Variants in MAP7D3 observed in about 807,000 individuals in gnomAD.
The protein encoded by MAP7D3 is MAP7 domain containing 3.
A neutral mutation model predicts 62.2 loss-of-function variants in MAP7D3; 45 were observed. That is an observed-to-expected ratio of 0.72 (90% confidence interval 0.57 to 0.93). The LOEUF (loss-of-function observed/expected upper bound fraction) is 0.93, where lower values mean the gene tolerates loss of function less well. Ranked by LOEUF, MAP7D3 falls within the 40% of genes least tolerant of loss-of-function variation. The probability of loss-of-function intolerance (pLI) is 0.00; values close to 1 mark genes in which losing one functional copy is unlikely to be tolerated. For synonymous variants in MAP7D3, 288 were observed against 248.8 expected (o/e 1.16, Z -1.48); for missense variants, 711 against 683.1 (o/e 1.04, Z -0.45).
chrX:136,225,237 C>T (rs2074181611), intron 13 of MAP7D3, among the ~76,000 whole-genome samples: 2 of 112,560 alleles, frequency 1.8e-5, no homozygotes, highest in East Asian at 2.8e-4. Flanking sequence ...CAGCTGATTC[C>T]TGAAGCCAAT....
chrX:136,227,434 G>A lies in MAP7D3; in HGVS notation c.1887-3C>T, dbSNP rs756819113. 5.9e-6 allele frequency: 7 copies of A among 1,176,973 alleles called. No individual in the cohort carries two copies. The highest frequency in any genetic ancestry group is 8.0e-6 in the Non-Finnish European group (7 of 869,737). ...TGTCTTTTGATTTCTTAATGACCCT[G>A]AGAGTATTTAAATAATTGTTAGTAT... On this transcript the variant is annotated splice_region_variant and splice_polypyrimidine_tract_variant and intron_variant, in intron 11 of 18. Coordinates refer to ENST00000316077, the MANE Select transcript of MAP7D3 (RefSeq NM_024597.4).
upstream of MAP7D3, among the ~76,000 whole-genome samples, chrX:136,255,871 A>G (rs2074548943): frequency 8.9e-6 from 1 of 111,751 alleles, no homozygotes; most frequent in African/African-American, 3.3e-5. Context: ...TGGGAAAAAC[A>G]TTCAGAAACC....
chrX:136,222,677 C>T (rs757882753), intron 14 of MAP7D3, among the ~76,000 whole-genome samples, 191 bp from the exon 15 acceptor site: 10 of 111,321 alleles, frequency 9.0e-5, no homozygotes, highest in African/African-American at 3.3e-4. Flanking sequence ...CCCGTAGCTG[C>T]GTCTTTTAGC....
rs759566682 is a variant in MAP7D3 at position 136,226,903 on chromosome X, C to T, written c.2034+381G>A. Among the ~76,000 whole-genome samples, 12 of 110,547 alleles carry T rather than the reference C, an allele frequency of 1.1e-4. No homozygotes were observed. In the East Asian group the frequency reaches 2.9e-3, roughly 26 times the overall value. On this transcript the variant is annotated intron_variant, in intron 12 of 18. Transcript: ENST00000316077. Reference sequence around the variant, plus strand: ...TAGCACTTTGGGAAGCTGAGGCGGGCGGATCACCTGAGGTCAGGAGTTCAA... The same window carrying T: ...TAGCACTTTGGGAAGCTGAGGCGGGTGGATCACCTGAGGTCAGGAGTTCAA...
intron 6 of MAP7D3, among the ~76,000 whole-genome samples, chrX:136,238,607 C>G (rs2074355990): frequency 9.0e-6 from 1 of 111,315 alleles, no homozygotes; most frequent in Non-Finnish European, 1.9e-5. Flanking sequence ...TATAAAAGTG[C>G]TTTGGGAAAG....
In MAP7D3 at chrX:136,251,334, C is replaced by T. The variant is rs1167109526; in HGVS notation, c.25G>A (p.Gly9Ser). The part of the protein sequence containing the change: MMADGAAA[G>S]AGGSPSLREL... Reference sequence around the variant, plus strand: ...CTCAAGGATGGGCTGCCGCCAGCGCCAGCTGCGGCGCCGTCCGCCATCATC... The same window carrying T: ...CTCAAGGATGGGCTGCCGCCAGCGCTAGCTGCGGCGCCGTCCGCCATCATC... The change falls in exon 1 of 19, where the codon GGC becomes AGC. Residue 9 changes from glycine (G) to serine (S), a missense_variant. Transcript: ENST00000316077. 5 of 1,128,547 alleles carry T rather than the reference C, an allele frequency of 4.4e-6. No individual in the cohort carries two copies. The South Asian group carries it at 7.9e-5, about 18-fold the overall frequency. 93.0% of individuals were successfully genotyped at this position (1,128,547 alleles called of 1,213,427 possible).
Position 136,222,442 on chromosome X carries a change from A to G in MAP7D3, c.2238T>C (p.Ala746=). The G allele has an allele frequency of 8.3e-7, 1 of 1,209,696 alleles. No homozygotes were observed. The highest frequency in any genetic ancestry group is 1.7e-5 in the African/African-American group (1 of 57,759). The change falls in exon 15 of 19, where the codon GCT becomes GCC. Residue 746 remains alanine (A), a synonymous_variant. Transcript: ENST00000316077. ...SSHDIYEEAE[A]DNEESDKDSL... ...AGTCCTTGTCGCTTTCTTCGTTGTCAGCCTCAGCCTCTTCATATATGTCAT... is the reference window on the plus strand; with the variant it reads ...AGTCCTTGTCGCTTTCTTCGTTGTCGGCCTCAGCCTCTTCATATATGTCAT...
downstream of MAP7D3, among the ~76,000 whole-genome samples, chrX:136,216,443 G>GA (rs1166756693): frequency 1.4e-3 from 128 of 90,979 alleles, 1 homozygote; most frequent in South Asian, 0.015. Context: ...AAGACGAAGA[G>GA]AAAAAAAAAA....
chrX:136,221,061 C>A, intron 15 of MAP7D3, 98 bp from the exon 16 acceptor site: 1 of 631,569 alleles, frequency 1.6e-6, no homozygotes, highest in Non-Finnish European at 2.5e-6. Context: ...GTGGGTACTG[C>A]CTGCCTGAAG....
chrX:136,231,564 T>C lies in MAP7D3; in HGVS notation c.1393A>G (p.Lys465Glu). The C allele has an allele frequency of 1.7e-6, 2 of 1,205,600 alleles. No individual in the cohort carries two copies. Among genetic ancestry groups the C allele is most frequent in the Non-Finnish European group, 2.2e-6 (2 of 893,283 alleles). The change falls in exon 8 of 19, where the codon AAA (lysine) becomes GAA (glutamate). Residue 465 changes from lysine to glutamate, a missense_variant. Coordinates refer to ENST00000316077, the MANE Select transcript of MAP7D3 (RefSeq NM_024597.4). ...EASMEASPKA[K>E]ARDAPKKSEM... ...CAAACCTTTGGAGCGTCTCTCGCTT[T>C]TGCCTTGGGAGATGCTTCCATGCTT...
chrX:136,251,449 TGGGCGGGGCG>T (rs3830873), upstream of MAP7D3: 2,264 of 446,288 alleles, frequency 5.1e-3, 15 homozygotes, highest in East Asian at 0.037. Flanking sequence ...GGGCTGCCGG[TGGGCGGGGCG>T]GGGCGGGGCG....
In MAP7D3 at chrX:136,228,644, T is replaced by C. The variant is rs2074226626; in HGVS notation, c.1865A>G (p.Gln622Arg). The C allele has an allele frequency of 4.1e-6, 5 of 1,208,330 alleles. No individual in the cohort carries two copies. The East Asian group carries it at 1.5e-4, about 36-fold the overall frequency. The change falls in exon 11 of 19, where the codon CAA (glutamine) becomes CGA (arginine). Residue 622 changes from glutamine (Q) to arginine (R), a missense_variant. Physicochemically the swap from Gln to Arg is conservative, Grantham distance 43. Coordinates refer to ENST00000316077, the MANE Select transcript of MAP7D3 (RefSeq NM_024597.4). The stretch of plus-strand genomic sequence containing the variant: ...TGACCTTTGCTGCATTTCTTCCCGT[T>C]GTCTTTCTTCTTCCTCTTTTTCTCT... ...EQREKEEEER[Q>R]REEMQQRVIK...
intron 1 of MAP7D3, among the ~76,000 whole-genome samples, chrX:136,250,330 A>G (rs965229176): frequency 1.1e-4 from 12 of 112,316 alleles, no homozygotes; most frequent in Admixed American, 1.0e-3. Context: ...TCGCGCTCAT[A>G]GCAGAGGGAA....
intron 7 of MAP7D3, among the ~76,000 whole-genome samples, chrX:136,235,280 C>G (rs1388368798): frequency 8.9e-6 from 1 of 112,399 alleles, no homozygotes; most frequent in Admixed American, 9.4e-5. Flanking sequence ...TTGTAAATAT[C>G]TTGCTCCAAT....
At chrX:136,256,396 C>T (rs1157759982), upstream of MAP7D3, 12 of 1,016,528 alleles carry the variant, frequency 1.2e-5, no homozygotes, top group Admixed American at 2.6e-5. Context: ...ACAACTGACA[C>T]TTCAGTACCC....
chrX:136,250,876 T>G (rs2074498536), intron 1 of MAP7D3, among the ~76,000 whole-genome samples: 1 of 111,517 alleles, frequency 9.0e-6, no homozygotes, highest in East Asian at 2.9e-4. Context: ...CAGGCAGCTG[T>G]GCGTTCGTTG....
At chrX:136,215,442 C>A (rs2074054978), downstream of MAP7D3, among the ~76,000 whole-genome samples, 1 of 112,031 alleles carries the variant, frequency 8.9e-6, no homozygotes, top group African/African-American at 3.3e-5. Context: ...AGTCTAATGT[C>A]TGACGGTCTG....
chrX:136,242,501 T>C (rs929769354), intron 4 of MAP7D3, among the ~76,000 whole-genome samples: 5 of 110,419 alleles, frequency 4.5e-5, no homozygotes, highest in African/African-American at 1.7e-4. Flanking sequence ...TTTTGCTATA[T>C]GTAGCCTACT....
At chrX:136,254,943 C>T (rs768515932), upstream of MAP7D3, among the ~76,000 whole-genome samples, 7 of 111,268 alleles carry the variant, frequency 6.3e-5, no homozygotes, top group South Asian at 7.5e-4. Flanking sequence ...CGGCTGGGTG[C>T]GGTGGCTCAC....
Sources: gnomAD v4.1 joint callset for allele counts (sites outside exome capture counted in the v4.1 genomes callset) on GRCh38, gnomAD v4.1.1 for gene constraint, MANE v1.5 for transcripts, NCBI Gene and HGNC (gene_info 2026-07-23, HGNC 2026-07-21) for gene names.